PHKA1: variants seen among roughly 807,000 people sequenced by gnomAD.
The protein encoded by PHKA1 is phosphorylase kinase regulatory subunit alpha 1.
Under a neutral mutation model 110.2 loss-of-function variants are expected in PHKA1, and 60 were observed. The ratio of observed to expected loss-of-function variants is 0.54; its 90% CI spans 0.44 to 0.68. The LOEUF is 0.68. Among genes scored for constraint, PHKA1 ranks in the 30% least tolerant of loss-of-function variants. The pLI, the probability that PHKA1 is intolerant of heterozygous loss-of-function variation, is 0.00. For missense variants in PHKA1, 801 were observed against 942.5 expected, an observed-to-expected ratio of 0.85 and a Z score of 1.97; for synonymous variants, 316 against 333.6, an observed-to-expected ratio of 0.95 and a Z score of 0.58.
intron 29 of PHKA1, among the ~76,000 whole-genome samples, chrX:72,585,893 G>A (rs893652814): frequency 7.1e-5 from 8 of 112,342 alleles, no homozygotes; most frequent in South Asian, 3.7e-4. Flanking sequence ...TTGCTGAGGC[G>A]TGAGTAGGTA....
At chrX:72,658,951 G>A (rs1556302869) in intron 8 of PHKA1, among the ~76,000 whole-genome samples, 2 of 111,884 alleles carry the variant, frequency 1.8e-5, no homozygotes, top group African/African-American at 6.5e-5. Flanking sequence ...GAACACCTTC[G>A]TTATGCTTAA....
intron 18 of PHKA1, 50 bp downstream of exon 18, chrX:72,623,059 T>C: frequency 8.3e-7 from 1 of 1,206,829 alleles, no homozygotes; most frequent in Non-Finnish European, 1.1e-6. Flanking sequence ...TGCTAAACAA[T>C]ATTTTGTAGT....
chrX:72,673,611 T>C (rs1478495704), intron 6 of PHKA1, among the ~76,000 whole-genome samples: 1 of 110,853 alleles, frequency 9.0e-6, no homozygotes, highest in Non-Finnish European at 1.9e-5. Flanking sequence ...TAATAACATG[T>C]TCTCAATATT....
chrX:72,593,890 C>A (rs1222021006), intron 28 of PHKA1, among the ~76,000 whole-genome samples: 3 of 112,220 alleles, frequency 2.7e-5, no homozygotes, highest in Non-Finnish European at 5.6e-5. Flanking sequence ...AAACTTCTAG[C>A]TCGTCCATGG....
chrX:72,651,490 C>G lies in PHKA1; in HGVS notation c.1246-1022G>C, dbSNP rs113876327. On this transcript the variant is annotated intron_variant, in intron 12 of 31. Transcript: ENST00000373542. Reference sequence around the variant, plus strand: ...GGCGGAGGTTGTGGTGAGCCGAGATCGTGCCATTGCACTCCAGCCTGGGCA... The same window carrying G: ...GGCGGAGGTTGTGGTGAGCCGAGATGGTGCCATTGCACTCCAGCCTGGGCA... Among the ~76,000 whole-genome samples the G allele has an allele frequency of 5.4e-5, 6 of 110,694 alleles. No individual in the cohort carries two copies. In the South Asian group the frequency reaches 2.3e-3, roughly 43 times the overall value.
chrX:72,672,985 C>CA (rs1177316076), intron 6 of PHKA1, among the ~76,000 whole-genome samples: 1 of 111,912 alleles, frequency 8.9e-6, no homozygotes, highest in East Asian at 2.8e-4. Flanking sequence ...TCATGAAAGA[C>CA]AAGTAAGGAC....
intron 6 of PHKA1, 125 bp downstream of exon 6, chrX:72,675,945 T>A: frequency 3.7e-6 from 2 of 533,612 alleles, no homozygotes; most frequent in East Asian, 7.3e-5. Context: ...AATCTGAATG[T>A]TGCCTGTGGT....
intron 6 of PHKA1, among the ~76,000 whole-genome samples, chrX:72,672,046 C>G (rs1452437087): frequency 8.9e-6 from 1 of 112,186 alleles, no homozygotes; most frequent in Non-Finnish European, 1.9e-5. Flanking sequence ...CTTTGAGATC[C>G]AGGTGGAAAC....
rs148677292 is a variant in PHKA1, at chrX:72,634,721, G to A, written c.1714+434C>T. ...CTAGAGTAAGAAATATGCAGATACAGTATTACTGTCTTTAAAAATAATTGT... is the reference window on the plus strand; with the variant it reads ...CTAGAGTAAGAAATATGCAGATACAATATTACTGTCTTTAAAAATAATTGT... On this transcript the variant is annotated intron_variant, in intron 16 of 31. Transcript: ENST00000373542. Among the ~76,000 whole-genome samples the A allele has an allele frequency of 3.1e-3, 347 of 111,815 alleles. 1 individual carries two copies. Among genetic ancestry groups the A allele is most frequent in the African/African-American group, 0.011 (338 of 30,846 alleles).
intron 12 of PHKA1, among the ~76,000 whole-genome samples, 167 bp from the exon 13 acceptor site, chrX:72,650,635 T>C (rs1427396387): frequency 8.9e-6 from 1 of 112,541 alleles, no homozygotes; most frequent in Non-Finnish European, 1.9e-5. Context: ...AATTCCCAAA[T>C]TCACACCACA....
chrX:72,682,515 G>A (rs1458825278), intron 5 of PHKA1, among the ~76,000 whole-genome samples: 1 of 108,989 alleles, frequency 9.2e-6, no homozygotes, highest in East Asian at 3.0e-4. Context: ...TTGAGAAATC[G>A]GATGGTTGCC....
At chrX:72,606,542 C>T (rs2052731149) in intron 23 of PHKA1, among the ~76,000 whole-genome samples, 1 of 110,674 alleles carries the variant, frequency 9.0e-6, no homozygotes, top group Non-Finnish European at 1.9e-5. Context: ...TATGTCCTCT[C>T]CTCAAATTCT....
rs782223904 is a variant in PHKA1, at chrX:72,694,934, A to C, written c.454+774T>G. ...AGGAAGAAACCTCCCCTACAACAGG[A>C]GGACATATCTGGGTAGCCAGTTCAT... On this transcript the variant is annotated intron_variant, in intron 4 of 31. Transcript: ENST00000373542. Among the ~76,000 whole-genome samples, 150 of 112,131 alleles carry C rather than the reference A, an allele frequency of 1.3e-3. 1 individual carries two copies. The highest frequency in any genetic ancestry group is 2.4e-3 in the Non-Finnish European group (127 of 53,199).
At chrX:72,602,081 A>T (rs1569426872) in intron 27 of PHKA1, 52 bp from the exon 28 acceptor site, 1 of 1,111,421 alleles carries the variant, frequency 9.0e-7, no homozygotes, top group South Asian at 1.9e-5. Flanking sequence ...AAAATAAATG[A>T]CCCAACAAAG....
intron 14 of PHKA1, among the ~76,000 whole-genome samples, chrX:72,640,185 T>C (rs1264725857): frequency 9.0e-6 from 1 of 111,619 alleles, no homozygotes; most frequent in Non-Finnish European, 1.9e-5. Flanking sequence ...CTACATAAAA[T>C]ATAAAACTTC....
chrX:72,713,246 CT>C (rs1216165448), intron 1 of PHKA1, among the ~76,000 whole-genome samples: 16 of 109,580 alleles, frequency 1.5e-4, no homozygotes, highest in Admixed American at 2.9e-4. Flanking sequence ...TCACAGCTAC[CT>C]TTTTTTTTGG....
intron 30 of PHKA1, 42 bp downstream of exon 30, chrX:72,584,207 A>T: frequency 9.4e-7 from 1 of 1,064,058 alleles, no homozygotes; most frequent in Non-Finnish European, 1.3e-6. Flanking sequence ...TTTAGCCAGC[A>T]AAGTTATCAG....
chrX:72,588,681 C>G (rs1556219246), intron 29 of PHKA1, among the ~76,000 whole-genome samples: 1 of 111,133 alleles, frequency 9.0e-6, no homozygotes, highest in East Asian at 2.8e-4. Flanking sequence ...AGACTGCTAG[C>G]TACACTAACA....
intron 5 of PHKA1, among the ~76,000 whole-genome samples, chrX:72,679,772 T>G (rs1265015193): frequency 9.1e-6 from 1 of 110,494 alleles, no homozygotes; most frequent in African/African-American, 3.3e-5. Flanking sequence ...ATTAAAAAAC[T>G]AAACAGTACA....
Sources: allele counts gnomAD v4.1 joint callset (sites outside exome capture counted in the v4.1 genomes callset), GRCh38; gene constraint gnomAD v4.1.1; transcripts MANE v1.5; gene names NCBI Gene and HGNC (gene_info 2026-07-23, HGNC 2026-07-21).